HS6ST3: variants seen among roughly 807,000 people sequenced by gnomAD.
The protein encoded by HS6ST3 is heparan-sulfate 6-O-sulfotransferase 3.
In HS6ST3, 12 loss-of-function variants were observed where a neutral mutation model predicts 36.7. The observed-to-expected ratio is 0.33, with a 90% CI of 0.21 to 0.53. HS6ST3 has a LOEUF of 0.53. HS6ST3 is among the 20% of genes least tolerant of loss of function. The probability of loss-of-function intolerance (pLI) is 0.95; values close to 1 mark genes in which losing one functional copy is unlikely to be tolerated. For synonymous variants in HS6ST3, 240 were observed against 257.5 expected, an observed-to-expected ratio of 0.93 and a Z score of 0.65; for missense variants, 584 against 640.9, an observed-to-expected ratio of 0.91 and a Z score of 0.96.
intron 1 of HS6ST3, among the ~76,000 whole-genome samples, chr13:96,566,603 C>T (rs982843351): frequency 2.0e-5 from 3 of 151,946 alleles, no homozygotes; most frequent in African/African-American, 7.2e-5. Flanking sequence ...AACGGGAAGT[C>T]CCAATATGAC....
At chr13:96,274,105 A>G (rs1443519478) in intron 1 of HS6ST3, among the ~76,000 whole-genome samples, 2 of 150,664 alleles carry the variant, frequency 1.3e-5, no homozygotes, top group African/African-American at 4.9e-5. Flanking sequence ...GTGCAGTGGC[A>G]TGATCATGGC....
At position 96,761,914 on chromosome 13, in the gene HS6ST3, T is replaced by G. The variant is rs182135232; in HGVS notation, c.708-70576T>G. ...GCTCTGTTTTGCACTCTGAGCCTAA[T>G]AAATAATAAATTTAAAAAATAAGAA... On this transcript the variant is annotated intron_variant, in intron 1 of 1. Transcript: ENST00000376705. Among the ~76,000 whole-genome samples the G allele has an allele frequency of 1.6e-3, 249 of 152,222 alleles. 1 individual carries two copies. Among genetic ancestry groups the G allele is most frequent in the African/African-American group, 5.5e-3 (228 of 41,554 alleles).
chr13:96,821,630 C>T (rs1878537349), intron 1 of HS6ST3, among the ~76,000 whole-genome samples: 1 of 152,210 alleles, frequency 6.6e-6, no homozygotes, highest in African/African-American at 2.4e-5. Flanking sequence ...GCACATGGAA[C>T]ATTCCATATT....
chr13:96,446,086 T>A (rs1323729259), intron 1 of HS6ST3, among the ~76,000 whole-genome samples: 2 of 149,926 alleles, frequency 1.3e-5, no homozygotes, highest in Non-Finnish European at 3.0e-5. Context: ...GGCAGGAGAA[T>A]GGCGTGAACC....
intron 1 of HS6ST3, among the ~76,000 whole-genome samples, chr13:96,592,258 T>G (rs1594813918): frequency 6.6e-6 from 1 of 150,768 alleles, no homozygotes; most frequent in African/African-American, 2.5e-5. Context: ...CATAAACAAA[T>G]AAACAAACAA....
chr13:96,112,544 G>A (rs2053873310), intron 1 of HS6ST3, among the ~76,000 whole-genome samples: 1 of 130,102 alleles, frequency 7.7e-6, no homozygotes, highest in East Asian at 2.4e-4. Flanking sequence ...ACCAGGTTGG[G>A]CAACATGATA....
chr13:96,090,811 GC>G lies in HS6ST3; in HGVS notation c.-49del. 7.0e-7 allele frequency: 1 copy of G among 1,429,704 alleles called. No homozygotes were observed. Among genetic ancestry groups the G allele is most frequent in the Non-Finnish European group, 9.2e-7 (1 of 1,085,180 alleles). 88.6% of individuals were successfully genotyped at this position (1,429,704 alleles called of 1,614,324 possible). A position where few individuals can be genotyped will look rare whatever the true frequency, so the allele number is the denominator to read the frequency against. On this transcript the variant is annotated 5_prime_UTR_variant, in exon 1 of 2. The change abolishes the stop of an existing upstream ORF in the 5' untranslated region. Transcript: ENST00000376705. ...GAAACTTCCGAGCGGGCGCCCGTCC[GC>G]CCTGCCGCCGCCGCCGCCGCCGCTT... is the stretch of plus-strand genomic sequence containing the variant.
chr13:96,378,326 T>C (rs2055324371), intron 1 of HS6ST3, among the ~76,000 whole-genome samples: 2 of 152,158 alleles, frequency 1.3e-5, no homozygotes, highest in South Asian at 4.1e-4. Flanking sequence ...AATGAGGCCT[T>C]ACTGCAGTAG....
chr13:96,355,327 G>A (rs897638598), intron 1 of HS6ST3, among the ~76,000 whole-genome samples: 1 of 149,906 alleles, frequency 6.7e-6, no homozygotes, highest in African/African-American at 2.5e-5. Flanking sequence ...TCAAGACTTC[G>A]GTGGGGAAAG....
At chr13:96,146,292 G>C (rs2054057939) in intron 1 of HS6ST3, among the ~76,000 whole-genome samples, 2 of 152,162 alleles carry the variant, frequency 1.3e-5, no homozygotes, top group Non-Finnish European at 1.5e-5. Context: ...CATGAGCATG[G>C]AATGTTTTTC....
At chr13:96,129,162 C>G (rs2053965111) in intron 1 of HS6ST3, among the ~76,000 whole-genome samples, 1 of 152,150 alleles carries the variant, frequency 6.6e-6, no homozygotes. Flanking sequence ...CCCTTAAGAG[C>G]AATTCTGGCA....
At chr13:96,419,145 A>T (rs2055549780) in intron 1 of HS6ST3, among the ~76,000 whole-genome samples, 1 of 152,264 alleles carries the variant, frequency 6.6e-6, no homozygotes, top group South Asian at 2.1e-4. Context: ...TATAGAGGCA[A>T]GGAAAAGATC....
intron 1 of HS6ST3, among the ~76,000 whole-genome samples, chr13:96,500,629 G>C (rs1273976479): frequency 6.6e-6 from 1 of 152,090 alleles, no homozygotes; most frequent in Non-Finnish European, 1.5e-5. Context: ...ACTGAGCCAT[G>C]GACCTCCAGT....
Position 96,623,891 on chromosome 13 carries a change from G to A in HS6ST3, c.708-208599G>A, listed in dbSNP as rs1050880085. 1.1e-4 allele frequency among the ~76,000 whole-genome samples: 16 copies of A among 152,206 alleles called. No individual in the cohort carries two copies. The South Asian group carries it at 1.2e-3, about 12-fold the overall frequency. On this transcript the variant is annotated intron_variant, in intron 1 of 1. Coordinates refer to ENST00000376705, the MANE Select transcript of HS6ST3 (RefSeq NM_153456.4). ...TTTAATTTAGTTCAATTCAACAAGC[G>A]TTTATTTATTGCCTGTTTTTTCCAT...
At chr13:96,642,406 G>C (rs541291008) in intron 1 of HS6ST3, among the ~76,000 whole-genome samples, 1 of 151,798 alleles carries the variant, frequency 6.6e-6, no homozygotes, top group South Asian at 2.1e-4. Flanking sequence ...TGAGCTTATT[G>C]GTTGTGTAGA....
chr13:96,550,690 G>T lies in HS6ST3; in HGVS notation c.708-281800G>T, dbSNP rs8000589. Among the ~76,000 whole-genome samples the T allele has an allele frequency of 2.6e-5, 4 of 151,672 alleles. No homozygotes were observed. In the East Asian group the frequency reaches 5.8e-4, roughly 22 times the overall value. ...TTTGCTTGTATACTCAAAACTTGGCGTAATTATGTATTGAGTGAAGGGAGG... is the reference window on the plus strand; with the variant it reads ...TTTGCTTGTATACTCAAAACTTGGCTTAATTATGTATTGAGTGAAGGGAGG... On this transcript the variant is annotated intron_variant, in intron 1 of 1. Transcript: ENST00000376705.
intron 1 of HS6ST3, among the ~76,000 whole-genome samples, chr13:96,726,461 A>G (rs1029704026): frequency 9.2e-5 from 14 of 152,154 alleles, no homozygotes; most frequent in Admixed American, 7.9e-4. Context: ...AGTATTTCAT[A>G]TTTTTGATAT....
rs370498700 is a variant in HS6ST3 at position 96,832,591 on chromosome 13, T to C, written c.809T>C (p.Met270Thr). ...GCCACTTGGAAAACCTCTCTTCATA[T>C]GTGTGATGGAAGAAGCCCCACCCCA... ...RGATWKTSLH[M>T]CDGRSPTPDE... The change falls in exon 2 of 2, where the codon ATG becomes ACG. Residue 270 changes from methionine to threonine, a missense_variant. Transcript: ENST00000376705. The C allele has an allele frequency of 2.0e-5, 32 of 1,613,964 alleles. No individual in the cohort carries two copies. The highest frequency in any genetic ancestry group is 2.4e-5 in the Non-Finnish European group (28 of 1,179,988).
At chr13:96,152,590 A>G (rs528187424) in intron 1 of HS6ST3, among the ~76,000 whole-genome samples, 10 of 151,096 alleles carry the variant, frequency 6.6e-5, no homozygotes, top group East Asian at 2.0e-4. Flanking sequence ...GCCCGCCTTG[A>G]CCTCCCAAAG....
Sources: gnomAD v4.1 joint callset for allele counts (sites outside exome capture counted in the v4.1 genomes callset) on GRCh38, gnomAD v4.1.1 for gene constraint, MANE v1.5 for transcripts, NCBI Gene and HGNC (gene_info 2026-07-23, HGNC 2026-07-21) for gene names.